RBM6: variants seen among roughly 807,000 people sequenced by gnomAD.
RBM6 encodes the protein RNA binding motif protein 6, also known as RNA-binding protein 6.
In RBM6, 23 loss-of-function variants were observed where a neutral mutation model predicts 140.4. The observed-to-expected ratio is 0.16, with a 90% confidence interval of 0.12 to 0.23. RBM6 has a LOEUF of 0.23. Among genes scored for constraint, RBM6 ranks in the 10% least tolerant of loss-of-function variants. The pLI is 1.00. For synonymous variants in RBM6, 439 were observed against 475.6 expected (o/e 0.92, Z 1.00); for missense variants, 1,139 against 1,386.7 (o/e 0.82, Z 2.84).
chr3:49,971,952 G>A (rs1386213349), intron 3 of RBM6, 107 bp from the exon 4 acceptor site: 7 of 784,002 alleles, frequency 8.9e-6, no homozygotes, highest in South Asian at 3.4e-5. Context: ...ATATCTTCAC[G>A]TGACATGTCA....
chr3:50,042,056 T>A (rs562309288), intron 6 of RBM6, among the ~76,000 whole-genome samples: 1 of 152,164 alleles, frequency 6.6e-6, no homozygotes, highest in East Asian at 1.9e-4. Context: ...TTTGTAAGGA[T>A]CTAATGAGAT....
chr3:49,974,007 C>T (rs564258783), intron 4 of RBM6, among the ~76,000 whole-genome samples: 22 of 152,026 alleles, frequency 1.4e-4, no homozygotes, highest in Non-Finnish European at 2.5e-4. Flanking sequence ...AAATGGTTCT[C>T]CTGCCTCAGC....
intron 18 of RBM6, 77 bp from the exon 19 acceptor site, chr3:50,070,378 A>G (rs554841952): frequency 1.7e-4 from 169 of 1,005,122 alleles, no homozygotes; most frequent in Non-Finnish European, 2.4e-4. Context: ...TAATAATAAC[A>G]GCAATGGGGT....
At chr3:49,950,531 G>A (rs1185790877) in intron 1 of RBM6, among the ~76,000 whole-genome samples, 1 of 152,090 alleles carries the variant, frequency 6.6e-6, no homozygotes. Flanking sequence ...CAAGGTGTGG[G>A]ATCATTTGAG....
intron 5 of RBM6, among the ~76,000 whole-genome samples, chr3:49,980,761 T>TA (rs1208250264): frequency 0.38 from 44,652 of 118,862 alleles, 8,448 homozygotes; most frequent in Non-Finnish European, 0.45. Context: ...GAATTCATCT[T>TA]AAAAAAAAAA....
At chr3:49,942,725 T>C (rs888849077) in intron 1 of RBM6, among the ~76,000 whole-genome samples, 2 of 151,924 alleles carry the variant, frequency 1.3e-5, no homozygotes, top group African/African-American at 4.8e-5. Context: ...AAACCCCGTA[T>C]CTACTAAAAA....
At chr3:50,008,380 A>G (rs2086682234) in intron 6 of RBM6, among the ~76,000 whole-genome samples, 1 of 152,050 alleles carries the variant, frequency 6.6e-6, no homozygotes, top group Non-Finnish European at 1.5e-5. Flanking sequence ...CTCGTGCTTC[A>G]GTGTTGTCAC....
Position 50,066,165 on chromosome 3 carries a change from C to A in RBM6, c.2683-77C>A. 3.5e-6 allele frequency: 5 copies of A among 1,430,030 alleles called. No homozygotes were observed. In the South Asian group the frequency reaches 5.6e-5, roughly 16 times the overall value. 88.6% of individuals were successfully genotyped at this position (1,430,030 alleles called of 1,614,324 possible). ...ACCCAATTCAATGAAATGAGATGCCCATATCAGAATATCAAAAAAAATGGA... is the reference window on the plus strand; with the variant it reads ...ACCCAATTCAATGAAATGAGATGCCAATATCAGAATATCAAAAAAAATGGA... On this transcript the variant is annotated intron_variant, in intron 16 of 20. Coordinates refer to ENST00000266022, the MANE Select transcript of RBM6 (RefSeq NM_005777.3).
rs2108645703 is a variant in RBM6 at position 49,972,155 on chromosome 3, CA to C, written c.1413+8del. ...AGATGCCACAAAAGAAGAGGTAAGG[CA>C]TGTCTTCTCTCCTGTTTCTCTGTGT... is the stretch of plus-strand genomic sequence containing the variant. On this transcript the variant is annotated splice_region_variant and intron_variant, in intron 4 of 20. Transcript: ENST00000266022. The C allele has an allele frequency of 6.3e-7, 1 of 1,581,988 alleles. No individual in the cohort carries two copies. Among genetic ancestry groups the C allele is most frequent in the Non-Finnish European group, 8.7e-7 (1 of 1,153,634 alleles).
intron 6 of RBM6, among the ~76,000 whole-genome samples, chr3:50,022,672 A>G (rs1348528340): frequency 6.6e-6 from 1 of 152,146 alleles, no homozygotes; most frequent in Non-Finnish European, 1.5e-5. Flanking sequence ...TAGGCAGAAT[A>G]GTTTTACATT....
chr3:50,047,447 A>C, intron 6 of RBM6: 1 of 602,446 alleles, frequency 1.7e-6, no homozygotes, highest in Non-Finnish European at 2.1e-6. Flanking sequence ...TTTAATGTGA[A>C]ATAGAATTCA....
intron 11 of RBM6, among the ~76,000 whole-genome samples, chr3:50,060,355 C>T (rs1181702601): frequency 1.3e-5 from 2 of 152,086 alleles, no homozygotes; most frequent in African/African-American, 4.8e-5. Flanking sequence ...TTGGAAATGG[C>T]CATGTCAGAG....
intron 6 of RBM6, among the ~76,000 whole-genome samples, chr3:50,025,816 C>G (rs2087783127): frequency 6.6e-6 from 1 of 151,850 alleles, no homozygotes; most frequent in South Asian, 2.1e-4. Flanking sequence ...GTGTAGGTAT[C>G]AGGGTTACAG....
intron 6 of RBM6, among the ~76,000 whole-genome samples, chr3:50,004,765 C>G (rs1193922240): frequency 6.6e-6 from 1 of 151,968 alleles, no homozygotes; most frequent in Non-Finnish European, 1.5e-5. Flanking sequence ...ACTACAGGCA[C>G]CTGCCACCAT....
intron 1 of RBM6, among the ~76,000 whole-genome samples, chr3:49,944,527 G>C (rs969817133): frequency 6.7e-6 from 1 of 149,812 alleles, no homozygotes; most frequent in African/African-American, 2.5e-5. Context: ...CCAGGCTGGA[G>C]TGCAGTGGCG....
chr3:49,983,004 G>A (rs2681776), intron 5 of RBM6, among the ~76,000 whole-genome samples: 53,859 of 151,834 alleles, frequency 0.35, 10,194 homozygotes, highest in Non-Finnish European at 0.44. Context: ...GAACCACCAC[G>A]CCTGGCCTAA....
chr3:49,964,665 G>C (rs891620357), intron 2 of RBM6, among the ~76,000 whole-genome samples: 2 of 152,268 alleles, frequency 1.3e-5, no homozygotes, highest in Middle Eastern at 6.8e-3. Flanking sequence ...GATCAATGGG[G>C]TTGTACGTTA....
At position 50,029,515 on chromosome 3, in the gene RBM6, A is replaced by G. The variant is rs2088025995; in HGVS notation, c.1558-18730A>G. 2.0e-5 allele frequency among the ~76,000 whole-genome samples: 3 copies of G among 152,120 alleles called. No homozygotes were observed. In the South Asian group the frequency reaches 6.2e-4, roughly 32 times the overall value. Reference sequence around the variant, plus strand: ...TTTGGGAGGCTGAGGCGGGCAGATCACGAGGTCAGGAGTTCGAGACCAGCC... The same window carrying G: ...TTTGGGAGGCTGAGGCGGGCAGATCGCGAGGTCAGGAGTTCGAGACCAGCC... On this transcript the variant is annotated intron_variant, in intron 6 of 20. Transcript: ENST00000266022.
At chr3:49,945,829 C>G (rs2083460505) in intron 1 of RBM6, among the ~76,000 whole-genome samples, 1 of 143,038 alleles carries the variant, frequency 7.0e-6, no homozygotes, top group Admixed American at 7.3e-5. Context: ...TTGCAGTGAG[C>G]CAAAATCGCG....
Sources: gnomAD v4.1 joint callset for allele counts (sites outside exome capture counted in the v4.1 genomes callset) on GRCh38, gnomAD v4.1.1 for gene constraint, MANE v1.5 for transcripts, NCBI Gene and HGNC (gene_info 2026-07-23, HGNC 2026-07-21) for gene names.